Variants in ZCCHC7 observed in about 807,000 individuals in gnomAD.
The protein encoded by ZCCHC7 is zinc finger CCHC domain-containing protein 7.
Under a neutral mutation model 52.0 loss-of-function variants are expected in ZCCHC7, and 35 were observed. The observed-to-expected ratio is 0.67, with a 90% CI of 0.51 to 0.89. ZCCHC7 has a LOEUF of 0.89. Ranked by LOEUF, ZCCHC7 falls within the 40% of genes least tolerant of loss-of-function variation. ZCCHC7 has a pLI of 0.00. For missense variants in ZCCHC7, 574 were observed against 649.1 expected (o/e 0.88, Z 1.26); for synonymous variants, 217 against 221.5 (o/e 0.98, Z 0.18).
At chr9:37,257,391 G>T (rs1826642403) in intron 2 of ZCCHC7, among the ~76,000 whole-genome samples, 1 of 152,080 alleles carries the variant, frequency 6.6e-6, no homozygotes, top group African/African-American at 2.4e-5. Flanking sequence ...TCCTATTTTG[G>T]GGTAGCATAT....
At chr9:37,349,176 G>A (rs564130588) in intron 6 of ZCCHC7, among the ~76,000 whole-genome samples, 181 bp from the exon 7 acceptor site, 1 of 152,316 alleles carries the variant, frequency 6.6e-6, no homozygotes, top group African/African-American at 2.4e-5. Flanking sequence ...GACATTAAGA[G>A]TAAAAGAATT....
At chr9:37,210,282 A>G (rs1053915348) in intron 2 of ZCCHC7, among the ~76,000 whole-genome samples, 1 of 152,238 alleles carries the variant, frequency 6.6e-6, no homozygotes, top group South Asian at 2.1e-4. Flanking sequence ...AATGACATCT[A>G]AAAGTCTGCA....
chr9:37,191,594 G>T (rs1054695481), intron 2 of ZCCHC7, among the ~76,000 whole-genome samples: 1 of 152,078 alleles, frequency 6.6e-6, no homozygotes, highest in African/African-American at 2.4e-5. Flanking sequence ...AAGGCTGTCT[G>T]CATCAGCTGT....
At chr9:37,275,758 T>G (rs1054212025) in intron 2 of ZCCHC7, among the ~76,000 whole-genome samples, 2 of 152,214 alleles carry the variant, frequency 1.3e-5, no homozygotes, top group Admixed American at 6.5e-5. Context: ...TTCTCCTGTC[T>G]CAGCGTCCCA....
intron 2 of ZCCHC7, among the ~76,000 whole-genome samples, chr9:37,281,357 AGAAGAGAT>A (rs1220149185): frequency 1.3e-5 from 2 of 152,208 alleles, no homozygotes; most frequent in Non-Finnish European, 2.9e-5. Flanking sequence ...ATACACAAAT[AGAAGAGAT>A]TGTGACATAG....
chr9:37,132,888 C>T (rs1007108139), intron 2 of ZCCHC7, among the ~76,000 whole-genome samples: 6 of 152,166 alleles, frequency 3.9e-5, no homozygotes, highest in South Asian at 4.1e-4. Flanking sequence ...CCTGTAATCC[C>T]GGCACTTTGG....
At chr9:37,271,663 A>G (rs2133507369) in intron 2 of ZCCHC7, among the ~76,000 whole-genome samples, 1 of 152,266 alleles carries the variant, frequency 6.6e-6, no homozygotes, top group South Asian at 2.1e-4. Flanking sequence ...TCCGCCCTCC[A>G]GGTTCAAGCA....
intron 2 of ZCCHC7, among the ~76,000 whole-genome samples, chr9:37,162,281 AT>A (rs1488869792): frequency 6.6e-6 from 1 of 152,126 alleles, no homozygotes; most frequent in Non-Finnish European, 1.5e-5. Context: ...GTACAGTTTC[AT>A]AGGTTTTAAG....
At chr9:37,154,794 G>A (rs374303361) in intron 2 of ZCCHC7, among the ~76,000 whole-genome samples, 15 of 152,096 alleles carry the variant, frequency 9.9e-5, no homozygotes, top group Admixed American at 2.6e-4. Context: ...GCACCCGGTC[G>A]TTAATTAGAG....
At chr9:37,336,137 T>G (rs183697225) in intron 6 of ZCCHC7, among the ~76,000 whole-genome samples, 1 of 152,280 alleles carries the variant, frequency 6.6e-6, no homozygotes, top group South Asian at 2.1e-4. Flanking sequence ...TAGGTAAAAC[T>G]ACTTTATGCC....
chr9:37,274,583 C>T (rs1470102618), intron 2 of ZCCHC7, among the ~76,000 whole-genome samples: 2 of 151,956 alleles, frequency 1.3e-5, no homozygotes, highest in African/African-American at 4.8e-5. Context: ...AAGTGATCTG[C>T]CTGCCTCAGC....
chr9:37,327,754 T>G (rs1830307556), intron 5 of ZCCHC7, 45 bp from the exon 6 acceptor site: 1 of 1,611,080 alleles, frequency 6.2e-7, no homozygotes, highest in African/African-American at 1.3e-5. Context: ...GGCTGTAAAG[T>G]ACCTTGTTTC....
At chr9:37,178,636 A>G (rs1005033927) in intron 2 of ZCCHC7, among the ~76,000 whole-genome samples, 1 of 152,210 alleles carries the variant, frequency 6.6e-6, no homozygotes, top group African/African-American at 2.4e-5. Flanking sequence ...TGTTGGAATA[A>G]TTCACAGTCA....
intron 5 of ZCCHC7, among the ~76,000 whole-genome samples, chr9:37,313,723 C>T (rs1251745387): frequency 1.3e-5 from 2 of 152,116 alleles, no homozygotes; most frequent in Non-Finnish European, 2.9e-5. Flanking sequence ...GCACCCTGCC[C>T]CTCATTTGCT....
intron 5 of ZCCHC7, among the ~76,000 whole-genome samples, chr9:37,316,868 CTTTTTTT>C (rs34953424): frequency 7.1e-6 from 1 of 140,284 alleles, no homozygotes; most frequent in Non-Finnish European, 1.5e-5. Context: ...ACATAAGCCT[CTTTTTTT>C]TTTTTTTTAA....
chr9:37,162,172 AC>A (rs1379217380), intron 2 of ZCCHC7, among the ~76,000 whole-genome samples: 1 of 152,116 alleles, frequency 6.6e-6, no homozygotes, highest in Non-Finnish European at 1.5e-5. Flanking sequence ...TATAGTATAT[AC>A]TACATATATA....
intron 2 of ZCCHC7, among the ~76,000 whole-genome samples, chr9:37,137,300 ACT>A (rs1291456974): frequency 3.0e-4 from 46 of 152,316 alleles, no homozygotes; most frequent in African/African-American, 1.1e-3. Context: ...AAAGTACAAG[ACT>A]GAATTGAAAA....
chr9:37,211,796 A>G (rs768574558), intron 2 of ZCCHC7, among the ~76,000 whole-genome samples: 2 of 152,144 alleles, frequency 1.3e-5, no homozygotes, highest in African/African-American at 2.4e-5. Context: ...TGGGAGGCCA[A>G]TGTGGGCGGA....
At chr9:37,165,319 T>G (rs184823792) in intron 2 of ZCCHC7, among the ~76,000 whole-genome samples, 19 of 149,304 alleles carry the variant, frequency 1.3e-4, no homozygotes, top group South Asian at 2.1e-4. Flanking sequence ...GACTTTTTTG[T>G]TTTTTTTTTC....
Sources: gnomAD v4.1 joint callset for allele counts (sites outside exome capture counted in the v4.1 genomes callset) on GRCh38, gnomAD v4.1.1 for gene constraint, MANE v1.5 for transcripts, NCBI Gene and HGNC (gene_info 2026-07-23, HGNC 2026-07-21) for gene names.